Variants in CDYL observed in about 807,000 individuals in gnomAD.
The protein encoded by CDYL is chromodomain Y like, also known as chromodomain Y-like protein.
In CDYL, 8 loss-of-function variants were observed where a neutral mutation model predicts 47.3. The observed-to-expected ratio is 0.17, with a 90% CI of 0.10 to 0.31. The LOEUF (loss-of-function observed/expected upper bound fraction) is 0.31. Among genes scored for constraint, CDYL ranks in the 10% least tolerant of loss-of-function variants. The pLI is 1.00. For missense variants in CDYL, 471 were observed against 701.4 expected (o/e 0.67, Z 3.71); for synonymous variants, 266 against 265.0 (o/e 1.00, Z -0.04).
intron 1 of CDYL, among the ~76,000 whole-genome samples, chr6:4,851,245 G>GT (rs1373719195): frequency 2.6e-5 from 4 of 152,314 alleles, no homozygotes; most frequent in Non-Finnish European, 4.4e-5. Context: ...TAAAATGGAC[G>GT]TAACAGCAGG....
intron 3 of CDYL, among the ~76,000 whole-genome samples, chr6:4,758,351 AAT>A (rs56250752): frequency 0.051 from 6,580 of 129,064 alleles, 519 homozygotes; most frequent in African/African-American, 0.17. Flanking sequence ...AAAATAAATA[AAT>A]ATATATATAT....
chr6:4,776,672 C>A lies in CDYL; in HGVS notation c.-112C>A. The A allele has an allele frequency of 3.1e-6, 3 of 976,976 alleles. No individual in the cohort carries two copies. Among genetic ancestry groups the A allele is most frequent in the South Asian group, 1.8e-5 (1 of 54,802 alleles). The allele number at this position is 976,976 out of a possible 1,614,324, so 60.5% of individuals were successfully genotyped here. A position where few individuals can be genotyped will look rare whatever the true frequency, so the allele number is the denominator to read the frequency against. On this transcript the variant is annotated 5_prime_UTR_variant, in exon 1 of 7. Coordinates refer to ENST00000397588, the MANE Select transcript of CDYL (RefSeq NM_004824.4). ...TCCGTGCCCAGCGCCCGGCCGGCCG[C>A]GGGAGCAGGAAGCGCAGGCCACGCA...
intron 2 of CDYL, among the ~76,000 whole-genome samples, chr6:4,907,514 G>A (rs938349094): frequency 1.5e-4 from 23 of 151,934 alleles, no homozygotes; most frequent in African/African-American, 5.6e-4. Flanking sequence ...GCACCACCAC[G>A]CCTCACTAAT....
In CDYL at chr6:4,955,208, G is replaced by A. The variant is rs1758832948; in HGVS notation, c.*1152G>A. On this transcript the variant is annotated 3_prime_UTR_variant, in exon 7 of 7. Coordinates refer to ENST00000397588, the MANE Select transcript of CDYL (RefSeq NM_004824.4). ...ATAGACATGTGCACTCCTTCCAGGAGTGGGTACTGATTCCAGACTCCAGAT... is the reference window on the plus strand; with the variant it reads ...ATAGACATGTGCACTCCTTCCAGGAATGGGTACTGATTCCAGACTCCAGAT... 1 of 152,598 alleles carries A rather than the reference G, an allele frequency of 6.6e-6. No homozygotes were observed. Among genetic ancestry groups the A allele is most frequent in the African/African-American group, 2.4e-5 (1 of 41,436 alleles). 9.5% of individuals were successfully genotyped at this position (152,598 alleles called of 1,614,324 possible).
chr6:4,725,765 C>T (rs1354640277), intron 2 of CDYL, among the ~76,000 whole-genome samples: 3 of 152,242 alleles, frequency 2.0e-5, no homozygotes, highest in East Asian at 1.9e-4. Context: ...AGTGCAGCGG[C>T]GGGCTGAGGG....
At chr6:4,901,434 A>G (rs1041739816) in intron 2 of CDYL, among the ~76,000 whole-genome samples, 2 of 152,134 alleles carry the variant, frequency 1.3e-5, no homozygotes, top group Non-Finnish European at 1.5e-5. Flanking sequence ...GAGCAGCTAT[A>G]TATACACAGG....
At chr6:4,802,465 G>A (rs1759253101) in intron 1 of CDYL, among the ~76,000 whole-genome samples, 1 of 152,160 alleles carries the variant, frequency 6.6e-6, no homozygotes, top group African/African-American at 2.4e-5. Context: ...CCTGATCCCA[G>A]GAGGTTGAGG....
rs187887908 is a variant in CDYL at position 4,748,528 on chromosome 6, T to C, written c.186+13684T>C. Among the ~76,000 whole-genome samples the C allele has an allele frequency of 4.8e-3, 727 of 151,950 alleles. 12 individuals are homozygous for C. The highest frequency in any genetic ancestry group is 3.3e-3 in the Non-Finnish European group (223 of 67,984). On this transcript the variant is annotated intron_variant, in intron 3 of 8. Transcript: ENST00000328908. ...GAGCAAAACAGGAGTATGATGGCAT[T>C]GGGAGATTCCAGGGAAGTTCGGGAA...
At position 4,776,630 on chromosome 6, in the gene CDYL, G is replaced by C. The variant is rs1758458823; in HGVS notation, c.-154G>C. 4.5e-6 allele frequency: 2 copies of C among 447,048 alleles called. No homozygotes were observed. The highest frequency in any genetic ancestry group is 6.5e-6 in the Non-Finnish European group (2 of 306,518). 27.7% of individuals were successfully genotyped at this position (447,048 alleles called of 1,614,324 possible). On this transcript the variant is annotated 5_prime_UTR_variant, in exon 1 of 7. Transcript: ENST00000397588. ...CGCGCCGCCGGCCCGCACTGGCCGC[G>C]GAGTGCAAGAGGCTCGTCCGTGCCC...
At chr6:4,934,444 T>C (rs1246968318) in intron 2 of CDYL, among the ~76,000 whole-genome samples, 2 of 152,232 alleles carry the variant, frequency 1.3e-5, no homozygotes, top group Non-Finnish European at 2.9e-5. Flanking sequence ...TGTCCATTCA[T>C]GAGTTTTCTG....
chr6:4,926,855 A>AG (rs1393336121), intron 2 of CDYL, among the ~76,000 whole-genome samples: 3 of 152,050 alleles, frequency 2.0e-5, no homozygotes, highest in Admixed American at 2.0e-4. Context: ...GGGGATGGGC[A>AG]GTGGAAGGAC....
At chr6:4,762,665 A>AT (rs1198084245) in intron 3 of CDYL, among the ~76,000 whole-genome samples, 1 of 147,628 alleles carries the variant, frequency 6.8e-6, no homozygotes, top group Non-Finnish European at 1.5e-5. Context: ...AAAAAAAAAA[A>AT]AAAAGGTTTA....
chr6:4,848,123 A>G (rs1463177759), intron 1 of CDYL, among the ~76,000 whole-genome samples: 1 of 152,214 alleles, frequency 6.6e-6, no homozygotes. Context: ...GTTACATATG[A>G]TTCTATGAAA....
chr6:4,776,842 C>T (rs1429862891), intron 1 of CDYL, 35 bp downstream of exon 1: 7 of 814,490 alleles, frequency 8.6e-6, no homozygotes, highest in Non-Finnish European at 1.0e-5. Flanking sequence ...GGCCGCCCCC[C>T]GCCCGCCGCC....
intron 1 of CDYL, among the ~76,000 whole-genome samples, chr6:4,884,656 C>T (rs1334375118): frequency 6.6e-6 from 1 of 152,120 alleles, no homozygotes; most frequent in Admixed American, 6.5e-5. Context: ...TGTCTCCAGG[C>T]CATAGGTAAG....
chr6:4,903,517 T>C (rs1338136476), intron 2 of CDYL, among the ~76,000 whole-genome samples: 1 of 152,214 alleles, frequency 6.6e-6, no homozygotes, highest in Non-Finnish European at 1.5e-5. Flanking sequence ...CTTAAAGGGT[T>C]CATTGAACTT....
chr6:4,818,924 C>T (rs1374478287), intron 1 of CDYL, among the ~76,000 whole-genome samples: 1 of 152,050 alleles, frequency 6.6e-6, no homozygotes, highest in South Asian at 2.1e-4. Context: ...CCTTTAAGAC[C>T]ACAGGTCTGT....
At chr6:4,831,397 G>A (rs1214761864) in intron 1 of CDYL, among the ~76,000 whole-genome samples, 3 of 152,058 alleles carry the variant, frequency 2.0e-5, no homozygotes, top group African/African-American at 2.4e-5. Context: ...GTAGATATGC[G>A]GCATTATTTC....
intron 2 of CDYL, among the ~76,000 whole-genome samples, chr6:4,923,762 A>G (rs1030721828): frequency 9.9e-5 from 15 of 152,224 alleles, no homozygotes; most frequent in South Asian, 2.1e-4. Context: ...TTAGCCAGGC[A>G]TGGTGGCGGG....
Sources: allele counts gnomAD v4.1 joint callset (sites outside exome capture counted in the v4.1 genomes callset), GRCh38; gene constraint gnomAD v4.1.1; transcripts MANE v1.5; gene names NCBI Gene and HGNC (gene_info 2026-07-23, HGNC 2026-07-21).